GRAMD1C: variants seen among roughly 807,000 people sequenced by gnomAD.
GRAMD1C encodes the protein protein Aster-C.
GRAMD1C carries 89 observed loss-of-function variants against 97.8 expected under a neutral mutation model. The observed-to-expected ratio is 0.91, with a 90% confidence interval of 0.77 to 1.09. The LOEUF is 1.09. Ranked by LOEUF, GRAMD1C falls within the 50% of genes least tolerant of loss-of-function variation. The probability of loss-of-function intolerance (pLI) is 0.00; values close to 1 mark genes in which losing one functional copy is unlikely to be tolerated. For synonymous variants in GRAMD1C, 256 were observed against 267.0 expected, an observed-to-expected ratio of 0.96 and a Z score of 0.40; for missense variants, 740 against 766.4, an observed-to-expected ratio of 0.97 and a Z score of 0.41.
intron 9 of GRAMD1C, among the ~76,000 whole-genome samples, chr3:113,909,371 A>G (rs10511327): frequency 0.038 from 5,782 of 152,336 alleles, 146 homozygotes; most frequent in Middle Eastern, 0.061. Context: ...GGTGTTAATA[A>G]AAACATATAT....
At chr3:113,933,249 C>T (rs935297258) in intron 11 of GRAMD1C, among the ~76,000 whole-genome samples, 11 of 151,858 alleles carry the variant, frequency 7.2e-5, no homozygotes, top group Non-Finnish European at 1.5e-4. Flanking sequence ...CCAGGCTGGT[C>T]CCGAATTCCT....
intron 6 of GRAMD1C, 52 bp from the exon 7 acceptor site, chr3:113,900,979 A>G (rs1456480124): frequency 4.4e-6 from 4 of 911,680 alleles, no homozygotes; most frequent in South Asian, 1.3e-5. Context: ...AATCACTGTG[A>G]TATTATATTT....
chr3:113,905,916 C>G lies in GRAMD1C; in HGVS notation c.789+1644C>G, dbSNP rs141968570. On this transcript the variant is annotated intron_variant, in intron 8 of 17. Coordinates refer to ENST00000358160, the MANE Select transcript of GRAMD1C (RefSeq NM_017577.5). ...TTCCCCATGTTGGCCAGGCTGGTCT[C>G]GAACACCTAACCTCAGGTGATCCAC... Among the ~76,000 whole-genome samples the G allele has an allele frequency of 3.8e-3, 584 of 152,204 alleles. 5 individuals carry two copies. The highest frequency in any genetic ancestry group is 0.014 in the African/African-American group (572 of 41,546).
chr3:113,851,767 C>T (rs912035990), intron 2 of GRAMD1C, among the ~76,000 whole-genome samples: 1 of 152,164 alleles, frequency 6.6e-6, no homozygotes, highest in African/African-American at 2.4e-5. Flanking sequence ...ATCCATCCAC[C>T]TCAGCCTCCC....
chr3:113,909,202 G>C (rs964150966), intron 9 of GRAMD1C, 82 bp downstream of exon 9: 4 of 633,630 alleles, frequency 6.3e-6, no homozygotes, highest in Non-Finnish European at 1.0e-5. Context: ...TGCAGATTGA[G>C]AATTTAGTTT....
At chr3:113,866,953 C>T (rs542597580) in intron 2 of GRAMD1C, among the ~76,000 whole-genome samples, 5 of 152,050 alleles carry the variant, frequency 3.3e-5, no homozygotes, top group African/African-American at 9.7e-5. Context: ...TTCAGCCTCC[C>T]GAGTAGCTGA....
At chr3:113,944,053 C>T (rs555331941) in intron 17 of GRAMD1C, among the ~76,000 whole-genome samples, 1 of 152,336 alleles carries the variant, frequency 6.6e-6, no homozygotes, top group African/African-American at 2.4e-5. Flanking sequence ...ACACCCCTAA[C>T]TTTAAATAAC....
chr3:113,884,836 C>CA (rs1283276038), intron 6 of GRAMD1C, among the ~76,000 whole-genome samples: 16 of 144,562 alleles, frequency 1.1e-4, no homozygotes, highest in East Asian at 6.1e-4. Flanking sequence ...GACTCTGTCT[C>CA]AAAAAAAAGA....
In GRAMD1C at chr3:113,839,457, G is replaced by A. The variant is rs530198844; in HGVS notation, c.27+521G>A. Among the ~76,000 whole-genome samples the A allele has an allele frequency of 3.3e-5, 5 of 151,562 alleles. No individual in the cohort carries two copies. In the East Asian group the frequency reaches 9.6e-4, roughly 29 times the overall value. The stretch of plus-strand genomic sequence containing the variant: ...GAAACCCCGCTTTTGTTGGACGGGC[G>A]CCTGCGTTTCTGAACACCATCCTCC... On this transcript the variant is annotated intron_variant, in intron 1 of 17. Coordinates refer to ENST00000358160, the MANE Select transcript of GRAMD1C (RefSeq NM_017577.5).
At chr3:113,935,794 CAA>C (rs1042866968) in intron 13 of GRAMD1C, among the ~76,000 whole-genome samples, 3 of 152,030 alleles carry the variant, frequency 2.0e-5, no homozygotes, top group African/African-American at 4.8e-5. Context: ...AAGTTTGAAA[CAA>C]ATGACAAAAA....
chr3:113,922,074 C>CT (rs373661337), intron 10 of GRAMD1C, among the ~76,000 whole-genome samples: 24 of 148,612 alleles, frequency 1.6e-4, no homozygotes, highest in East Asian at 2.0e-4. Flanking sequence ...AATTTTCTTT[C>CT]TTTTTTTTTT....
At position 113,936,290 on chromosome 3, in the gene GRAMD1C, C is replaced by A. The variant is rs1937576668; in HGVS notation, c.1481C>A (p.Ser494Tyr). 3 of 1,577,222 alleles carry A rather than the reference C, an allele frequency of 1.9e-6. No individual in the cohort carries two copies. The highest frequency in any genetic ancestry group is 2.6e-6 in the Non-Finnish European group (3 of 1,160,408). Residue 494 changes from serine to tyrosine, a missense_variant, in exon 14 of 18, where the codon TCT becomes TAT. Coordinates refer to ENST00000358160, the MANE Select transcript of GRAMD1C (RefSeq NM_017577.5). Reference protein sequence around the residue: ...QLESDLLIEESVLNQAIEDPG... With the variant: ...QLESDLLIEEYVLNQAIEDPG... Reference sequence around the variant, plus strand: ...GAATCAGATTTGTTAATTGAAGAATCTGTATTAAATCAGGCCATTGAAGAC... The same window carrying A: ...GAATCAGATTTGTTAATTGAAGAATATGTATTAAATCAGGCCATTGAAGAC...
At chr3:113,911,727 C>CCTTCGTTCCTTCCTTCCTTCCTTCCTTT (rs1373918021) in intron 9 of GRAMD1C, among the ~76,000 whole-genome samples, 1 of 93,826 alleles carries the variant, frequency 1.1e-5, no homozygotes, top group African/African-American at 3.3e-5. Flanking sequence ...TTCCTTCCTT[C>CCTTCGTTCCTTCCTTCCTTCCTTCCTTT]CTTTTCTTTC....
chr3:113,844,438 CTT>C, intron 1 of GRAMD1C, 63 bp from the exon 2 acceptor site: 1 of 1,109,222 alleles, frequency 9.0e-7, no homozygotes, highest in East Asian at 2.4e-5. Flanking sequence ...TGAACATTAA[CTT>C]TTTTCTTTTT....
At chr3:113,847,837 A>G (rs540706731) in intron 2 of GRAMD1C, among the ~76,000 whole-genome samples, 4 of 149,958 alleles carry the variant, frequency 2.7e-5, no homozygotes, top group South Asian at 4.2e-4. Context: ...AAATGAAAAT[A>G]AAACAAAACA....
intron 14 of GRAMD1C, 81 bp from the exon 15 acceptor site, chr3:113,938,005 C>CAAAAAA: frequency 1.2e-5 from 6 of 508,132 alleles, no homozygotes; most frequent in South Asian, 4.8e-5. Context: ...AACTCCTTCT[C>CAAAAAA]AAAAAAAAAA....
At chr3:113,851,072 G>A (rs1370189298) in intron 2 of GRAMD1C, among the ~76,000 whole-genome samples, 6 of 152,270 alleles carry the variant, frequency 3.9e-5, no homozygotes, top group Middle Eastern at 3.4e-3. Context: ...AAAGTGCTGG[G>A]ATTACACGCG....
chr3:113,887,096 G>GT lies in GRAMD1C; in HGVS notation c.540+4279dup, dbSNP rs59820635. Among the ~76,000 whole-genome samples, 342 of 94,026 alleles carry GT rather than the reference G, an allele frequency of 3.6e-3. 3 individuals are homozygous for GT. The highest frequency in any genetic ancestry group is 0.011 in the Middle Eastern group (1 of 94). The allele number at this position is 94,026 out of a possible 152,430, so 61.7% of individuals were successfully genotyped here. A position where few individuals can be genotyped will look rare whatever the true frequency, so the allele number is the denominator to read the frequency against. On this transcript the variant is annotated intron_variant, in intron 6 of 17. Coordinates refer to ENST00000358160, the MANE Select transcript of GRAMD1C (RefSeq NM_017577.5). ...CGCCTGGCCTTTTTGTTTTTTTTTT[G>GT]TTTTTTTTTTTTTTTGAGATAGAGT...
intron 2 of GRAMD1C, chr3:113,850,197 TGTACG>T (rs1395236798): frequency 2.1e-5 from 10 of 470,036 alleles, no homozygotes; most frequent in Admixed American, 1.1e-4. Flanking sequence ...TTTTTTTTGC[TGTACG>T]TTTATTCAAT....
Sources: allele counts gnomAD v4.1 joint callset (sites outside exome capture counted in the v4.1 genomes callset), GRCh38; gene constraint gnomAD v4.1.1; transcripts MANE v1.5; gene names NCBI Gene and HGNC (gene_info 2026-07-23, HGNC 2026-07-21).